KLHL7: variants seen among roughly 807,000 people sequenced by gnomAD.
KLHL7 encodes kelch like family member 7, also known as kelch-like protein 7.
In KLHL7, 44 loss-of-function variants were observed where a neutral mutation model predicts 67.4. The ratio of observed to expected loss-of-function variants is 0.65; its 90% CI spans 0.51 to 0.84. KLHL7 has a LOEUF of 0.84. Among genes scored for constraint, KLHL7 ranks in the 40% least tolerant of loss-of-function variants. KLHL7 has a pLI of 0.00. For synonymous variants in KLHL7, 252 were observed against 243.3 expected (o/e 1.04, Z -0.33); for missense variants, 362 against 718.1 (o/e 0.50, Z 5.67).
intron 9 of KLHL7, chr7:23,171,233 C>A: frequency 4.2e-6 from 1 of 240,322 alleles, no homozygotes; most frequent in South Asian, 4.0e-5. Context: ...TAGCGGGGAC[C>A]TAGTATGTAC....
chr7:23,168,047 T>G lies in KLHL7; in HGVS notation c.1379+10T>G. ...ATCCTGCCACAGAAACGTATGTATC[T>G]ATTTAAAATTTATTTTACAGTTAAC... On this transcript the variant is annotated intron_variant, in intron 9 of 10. Transcript: ENST00000339077. 1.9e-6 allele frequency: 3 copies of G among 1,610,230 alleles called. No individual in the cohort carries two copies. The highest frequency in any genetic ancestry group is 2.6e-6 in the Non-Finnish European group (3 of 1,176,382).
intron 10 of KLHL7, 106 bp from the exon 11 acceptor site, chr7:23,173,909 A>AT: frequency 8.6e-7 from 1 of 1,169,400 alleles, no homozygotes; most frequent in Non-Finnish European, 1.3e-6. Flanking sequence ...TGTGTTTGAC[A>AT]TTTTTCACAA....
chr7:23,172,022 T>C (rs1430996286), intron 9 of KLHL7: 1 of 368,338 alleles, frequency 2.7e-6, no homozygotes, highest in East Asian at 8.4e-5. Flanking sequence ...CATCAAATTA[T>C]TTTAAAGAAG....
intron 5 of KLHL7, among the ~76,000 whole-genome samples, 185 bp downstream of exon 5, chr7:23,141,129 T>C (rs943766441): frequency 6.6e-6 from 1 of 152,178 alleles, no homozygotes. Context: ...GGCCACTTCA[T>C]AGAGATAAAG....
chr7:23,126,402 T>G (rs1178726217), intron 4 of KLHL7, among the ~76,000 whole-genome samples: 1 of 152,228 alleles, frequency 6.6e-6, no homozygotes, highest in Non-Finnish European at 1.5e-5. Context: ...TTGTTGTGAT[T>G]CAGAGGCTTT....
At chr7:23,117,883 G>C in intron 1 of KLHL7, 1 of 1,613,874 alleles carries the variant, frequency 6.2e-7, no homozygotes, top group African/African-American at 1.3e-5. Context: ...TCTGCTCAGG[G>C]ATTTATACTC....
chr7:23,106,492 G>C, intron 1 of KLHL7: 11 of 1,176,724 alleles, frequency 9.3e-6, no homozygotes, highest in Non-Finnish European at 1.2e-5. Context: ...GTTTTAAGGT[G>C]CCGTGAGATC....
At chr7:23,141,189 C>T (rs766797739) in intron 5 of KLHL7, among the ~76,000 whole-genome samples, 1 of 152,204 alleles carries the variant, frequency 6.6e-6, no homozygotes, top group Non-Finnish European at 1.5e-5. Flanking sequence ...AAGAAGTCCA[C>T]TTCCCAATCC....
At chr7:23,112,981 A>G (rs1782934274) in intron 1 of KLHL7, among the ~76,000 whole-genome samples, 1 of 152,174 alleles carries the variant, frequency 6.6e-6, no homozygotes, top group African/African-American at 2.4e-5. Flanking sequence ...AATTCCTGAT[A>G]TGAGATCCAA....
At chr7:23,131,632 TAACA>T (rs1583669582) in intron 4 of KLHL7, among the ~76,000 whole-genome samples, 2 of 152,038 alleles carry the variant, frequency 1.3e-5, no homozygotes, top group Non-Finnish European at 2.9e-5. Flanking sequence ...ATCCTTTGAG[TAACA>T]AACAATCCAA....
At chr7:23,115,032 T>G (rs1160298011) in intron 1 of KLHL7, among the ~76,000 whole-genome samples, 2 of 152,182 alleles carry the variant, frequency 1.3e-5, no homozygotes, top group Admixed American at 1.3e-4. Flanking sequence ...TACTGTTCAG[T>G]TTAGTCAGCC....
At chr7:23,124,831 A>G (rs2128460365) in intron 3 of KLHL7, 50 bp downstream of exon 3, 1 of 1,265,854 alleles carries the variant, frequency 7.9e-7, no homozygotes, top group South Asian at 1.2e-5. Context: ...GGTATCTACC[A>G]TGGCAAAGCA....
chr7:23,111,544 G>T (rs1782870288), intron 1 of KLHL7, among the ~76,000 whole-genome samples: 1 of 152,142 alleles, frequency 6.6e-6, no homozygotes, highest in Non-Finnish European at 1.5e-5. Context: ...GACTTGGCCT[G>T]GCACAATGGC....
At chr7:23,166,710 C>G (rs858310) in intron 8 of KLHL7, among the ~76,000 whole-genome samples, 6,217 of 152,260 alleles carry the variant, frequency 0.041, 168 homozygotes, top group South Asian at 0.08. Context: ...ACCATTTCCT[C>G]TCTTTAAAAG....
chr7:23,106,342 T>G (rs1782638015), intron 1 of KLHL7, 196 bp downstream of exon 1: 2 of 1,429,940 alleles, frequency 1.4e-6, no homozygotes, highest in South Asian at 1.4e-5. Flanking sequence ...CAAAAGTGCT[T>G]CTCGTCTGCC....
At chr7:23,149,365 G>T (rs1320712840) in intron 6 of KLHL7, among the ~76,000 whole-genome samples, 2 of 152,160 alleles carry the variant, frequency 1.3e-5, no homozygotes, top group East Asian at 3.9e-4. Flanking sequence ...AGCACAGTTG[G>T]CCATGGTCAG....
chr7:23,160,579 A>G (rs1784829077), intron 7 of KLHL7, among the ~76,000 whole-genome samples: 1 of 152,176 alleles, frequency 6.6e-6, no homozygotes, highest in East Asian at 1.9e-4. Flanking sequence ...GCCCATTTGT[A>G]TATTGTTTGT....
At chr7:23,161,704 A>G (rs1176803178) in intron 7 of KLHL7, among the ~76,000 whole-genome samples, 1 of 152,218 alleles carries the variant, frequency 6.6e-6, no homozygotes, top group Non-Finnish European at 1.5e-5. Context: ...AGCCAGTGTA[A>G]CATAAAGATA....
rs374713987 is a variant in KLHL7, at chr7:23,113,984, C to T, written c.120+7838C>T. ...ACATAAAAAAGAAGCTTGAAAAGCA[C>T]GAATGTAAGAAGCTGAAAGGAAATG... is the stretch of plus-strand genomic sequence containing the variant. On this transcript the variant is annotated intron_variant, in intron 1 of 10. Coordinates refer to ENST00000339077, the MANE Select transcript of KLHL7 (RefSeq NM_001031710.3). Among the ~76,000 whole-genome samples the T allele has an allele frequency of 7.9e-5, 12 of 152,036 alleles. No individual in the cohort carries two copies. The South Asian group carries it at 1.4e-3, about 18-fold the overall frequency.
Sources: gnomAD v4.1 joint callset for allele counts (sites outside exome capture counted in the v4.1 genomes callset) on GRCh38, gnomAD v4.1.1 for gene constraint, MANE v1.5 for transcripts, NCBI Gene and HGNC (gene_info 2026-07-23, HGNC 2026-07-21) for gene names.